ZNF721: variants seen among roughly 807,000 people sequenced by gnomAD.
ZNF721 encodes zinc finger protein 721.
In ZNF721, 2 loss-of-function variants were observed where a neutral mutation model predicts 2.4. The observed-to-expected ratio is 0.82, with a 90% confidence interval of 0.34 to 2.58. ZNF721 has a LOEUF of 2.58. Among genes scored for constraint, ZNF721 ranks in the 30% most tolerant of loss-of-function variants. The probability of loss-of-function intolerance (pLI) is 0.11; values close to 1 mark genes in which losing one functional copy is unlikely to be tolerated. For missense variants in ZNF721, 1,187 were observed against 1,085.5 expected, an observed-to-expected ratio of 1.09 and a Z score of -1.31; for synonymous variants, 398 against 381.8, an observed-to-expected ratio of 1.04 and a Z score of -0.50.
chr4:456,757 T>C (rs1297997602), intron 2 of ZNF721, among the ~76,000 whole-genome samples: 1 of 152,184 alleles, frequency 6.6e-6, no homozygotes, highest in Non-Finnish European at 1.5e-5. Context: ...CACACGCCTG[T>C]AGTACCAGCT....
intron 1 of ZNF721, among the ~76,000 whole-genome samples, chr4:477,148 C>G (rs1715644420): frequency 6.6e-6 from 1 of 152,086 alleles, no homozygotes; most frequent in African/African-American, 2.4e-5. Flanking sequence ...TCTGGACAAC[C>G]ATCTTCCTCC....
At chr4:494,302 CT>C (rs367817950) in intron 1 of ZNF721, among the ~76,000 whole-genome samples, 4,170 of 152,058 alleles carry the variant, frequency 0.027, 78 homozygotes, top group Non-Finnish European at 0.045. Flanking sequence ...CTGCTGCAAC[CT>C]CCCGAGTAGC....
chr4:447,093 G>T (rs564254088), intron 2 of ZNF721, among the ~76,000 whole-genome samples: 1 of 152,088 alleles, frequency 6.6e-6, no homozygotes, highest in South Asian at 2.1e-4. Context: ...AGGCCGAGGC[G>T]GGTGGATCAC....
chr4:484,446 G>A (rs76391038), intron 1 of ZNF721, among the ~76,000 whole-genome samples: 184 of 152,320 alleles, frequency 1.2e-3, no homozygotes, highest in Middle Eastern at 3.4e-3. Context: ...CCGGTGAGCC[G>A]GGCGGAACAC....
chr4:456,034 T>C (rs1172396995), intron 2 of ZNF721, among the ~76,000 whole-genome samples: 4 of 149,732 alleles, frequency 2.7e-5, no homozygotes, highest in Admixed American at 1.3e-4. Flanking sequence ...AAAACAGTCA[T>C]GATCACCAAA....
chr4:466,850 G>A (rs1715268373), intron 2 of ZNF721, among the ~76,000 whole-genome samples: 1 of 152,166 alleles, frequency 6.6e-6, no homozygotes, highest in Admixed American at 6.6e-5. Context: ...TGGCGCCACA[G>A]ATCCAAACCA....
chr4:484,159 T>A (rs1553869902), intron 1 of ZNF721, among the ~76,000 whole-genome samples: 3 of 152,252 alleles, frequency 2.0e-5, no homozygotes, highest in African/African-American at 7.2e-5. Context: ...CTGTCTTTAC[T>A]GCAATCTCTA....
chr4:488,581 C>T (rs1326136278), intron 1 of ZNF721, among the ~76,000 whole-genome samples: 3 of 152,130 alleles, frequency 2.0e-5, no homozygotes, highest in African/African-American at 7.2e-5. Flanking sequence ...CCTGTGATCC[C>T]AGCACTTTGG....
At chr4:484,550 C>G (rs562818945) in intron 1 of ZNF721, among the ~76,000 whole-genome samples, 1 of 152,314 alleles carries the variant, frequency 6.6e-6, no homozygotes, top group East Asian at 1.9e-4. Flanking sequence ...GAATACACGC[C>G]TGGAGGTATA....
intron 1 of ZNF721, among the ~76,000 whole-genome samples, chr4:482,092 G>A (rs1327035665): frequency 1.6e-4 from 24 of 152,214 alleles, no homozygotes; most frequent in African/African-American, 5.1e-4. Flanking sequence ...ATATGACTGT[G>A]AGACATTGTT....
chr4:458,848 G>GAA lies in ZNF721; in HGVS notation c.34+13725_34+13726dup, dbSNP rs57797921. ...GTGACAGAGCAAGACTCCGTCTAAA[G>GAA]AAAAAAAAAACAGATCTAAAAAATG... On this transcript the variant is annotated intron_variant, in intron 2 of 2. Transcript: ENST00000511833. Among the ~76,000 whole-genome samples, 430 of 146,284 alleles carry GAA rather than the reference G, an allele frequency of 2.9e-3. 3 individuals are homozygous for GAA. The highest frequency in any genetic ancestry group is 9.0e-3 in the African/African-American group (363 of 40,146).
chr4:473,680 C>A (rs1186091821), intron 1 of ZNF721, among the ~76,000 whole-genome samples: 1 of 152,226 alleles, frequency 6.6e-6, no homozygotes, highest in Non-Finnish European at 1.5e-5. Context: ...ACAGCTCCTC[C>A]TACGCGGTAC....
intron 1 of ZNF721, among the ~76,000 whole-genome samples, chr4:482,498 C>T (rs7692639): frequency 0.35 from 52,869 of 150,576 alleles, 9,520 homozygotes; most frequent in African/African-American, 0.45. Context: ...CAAGTTGTTT[C>T]TGTTTTTGTT....
chr4:477,495 C>A (rs1158988007), intron 1 of ZNF721, among the ~76,000 whole-genome samples: 1 of 152,042 alleles, frequency 6.6e-6, no homozygotes, highest in African/African-American at 2.4e-5. Flanking sequence ...GCCTCGGCCT[C>A]CCAAAGTGCT....
In ZNF721 at chr4:443,994, A is replaced by G; in HGVS notation, c.473T>C (p.Ile158Thr). Residue 158 changes from isoleucine to threonine, a missense_variant, in exon 3 of 3, where the codon ATT becomes ACT. Coordinates refer to ENST00000511833, the MANE Select transcript of ZNF721 (RefSeq NM_133474.4). The part of the protein sequence containing the change: ...WYTDLNQHKK[I>T]HTGEKPYKCE... ...TTTGTAAGGTTTCTCTCCAGTATGAATTTTCTTGTGTTGATTCAGGTCTGT... is the reference window on the plus strand; with the variant it reads ...TTTGTAAGGTTTCTCTCCAGTATGAGTTTTCTTGTGTTGATTCAGGTCTGT... The G allele has an allele frequency of 6.2e-7, 1 of 1,613,974 alleles. No homozygotes were observed.
chr4:442,325 T>TAC lies in ZNF721; in HGVS notation c.2141_2142insGT (p.His715TyrfsTer27). 2 of 1,613,910 alleles carry TAC rather than the reference T, an allele frequency of 1.2e-6. No individual in the cohort carries two copies. The highest frequency in any genetic ancestry group is 8.5e-7 in the Non-Finnish European group (1 of 1,179,812). On this transcript the variant is annotated frameshift_variant, in exon 3 of 3. Transcript: ENST00000511833. LOFTEE classifies it low-confidence loss of function (END_TRUNC). Reference sequence around the variant, plus strand: ...TCTCCCTAGTGTGAACTCTCCTATGTGTAGTAAGGTTTCTTGACCTACTAA... The same window carrying TAC: ...TCTCCCTAGTGTGAACTCTCCTATGTACGTAGTAAGGTTTCTTGACCTACTAA...
intron 2 of ZNF721, among the ~76,000 whole-genome samples, chr4:458,967 C>T (rs1553865710): frequency 2.6e-5 from 4 of 152,178 alleles, no homozygotes; most frequent in African/African-American, 9.7e-5. Flanking sequence ...TCTGCAGAAA[C>T]CCTACAAGCC....
intron 1 of ZNF721, among the ~76,000 whole-genome samples, chr4:493,253 T>C (rs1430042026): frequency 6.6e-6 from 1 of 151,920 alleles, no homozygotes; most frequent in Non-Finnish European, 1.5e-5. Flanking sequence ...TTCCTAGGCA[T>C]AGGCTGAACT....
chr4:488,947 A>T (rs540517015), intron 1 of ZNF721, among the ~76,000 whole-genome samples: 7 of 152,174 alleles, frequency 4.6e-5, no homozygotes, highest in Non-Finnish European at 1.0e-4. Context: ...AAAACACCCA[A>T]GGGACCACAC....
Sources: allele counts gnomAD v4.1 joint callset (sites outside exome capture counted in the v4.1 genomes callset), GRCh38; gene constraint gnomAD v4.1.1; transcripts MANE v1.5; gene names NCBI Gene and HGNC (gene_info 2026-07-23, HGNC 2026-07-21).